Variants in RTF1 observed in about 807,000 individuals in gnomAD.
The protein encoded by RTF1 is RNA polymerase-associated protein RTF1 homolog.
RTF1 carries 10 observed loss-of-function variants against 95.7 expected under a neutral mutation model. The ratio of observed to expected loss-of-function variants is 0.10; its 90% CI spans 0.06 to 0.18. RTF1 has a LOEUF of 0.18. Ranked by LOEUF, RTF1 falls within the 10% of genes least tolerant of loss-of-function variation. RTF1 has a pLI of 1.00. For missense variants in RTF1, 458 were observed against 875.6 expected (o/e 0.52, Z 6.02); for synonymous variants, 305 against 311.8 (o/e 0.98, Z 0.23).
At chr15:41,458,820 C>T (rs1024382812) in intron 4 of RTF1, among the ~76,000 whole-genome samples, 1 of 150,246 alleles carries the variant, frequency 6.7e-6, no homozygotes, top group African/African-American at 2.5e-5. Context: ...ACTGGTAATC[C>T]CTGCACTTTG....
intron 9 of RTF1, 46 bp downstream of exon 9, chr15:41,474,748 C>A: frequency 7.2e-7 from 1 of 1,386,296 alleles, no homozygotes; most frequent in Non-Finnish European, 1.0e-6. Flanking sequence ...TTCAAACAGG[C>A]ACTGGCTTTG....
At chr15:41,448,751 G>A (rs556276842) in intron 2 of RTF1, 1 of 151,868 alleles carries the variant, frequency 6.6e-6, no homozygotes, top group Non-Finnish European at 1.5e-5. Flanking sequence ...AAAAAATAGG[G>A]AATATTTCAC....
chr15:41,468,051 G>C (rs1035302694), intron 6 of RTF1, among the ~76,000 whole-genome samples: 1 of 151,694 alleles, frequency 6.6e-6, no homozygotes, highest in East Asian at 2.0e-4. Context: ...TGTAATCCCA[G>C]CTACTTGTGG....
chr15:41,469,524 G>T (rs747121247), intron 6 of RTF1, among the ~76,000 whole-genome samples: 1 of 146,926 alleles, frequency 6.8e-6, no homozygotes. Context: ...GCCTGGCCAC[G>T]TTCCTTTTTT....
intron 16 of RTF1, among the ~76,000 whole-genome samples, chr15:41,479,987 C>T (rs1436934644): frequency 6.6e-6 from 1 of 152,112 alleles, no homozygotes; most frequent in Non-Finnish European, 1.5e-5. Context: ...CCCACCCTTT[C>T]TACACTCATA....
At position 41,471,338 on chromosome 15, in the gene RTF1, C is replaced by A; in HGVS notation, c.1192C>A (p.Pro398Thr). ...RIGIGNHNSK[P>T]VYRVAEITGV... ...TGGCATCGGAAACCACAACAGCAAA[C>A]CAGTTTACCGGGTTGGTATTTCTTC... Residue 398 changes from proline (P) to threonine (T), a missense_variant, in exon 8 of 18, where the codon CCA becomes ACA. By Grantham distance (38) the Pro-to-Thr change is conservative. Transcript: ENST00000389629. The A allele has an allele frequency of 6.2e-7, 1 of 1,610,310 alleles. No individual in the cohort carries two copies. Among genetic ancestry groups the A allele is most frequent in the Non-Finnish European group, 8.5e-7 (1 of 1,178,628 alleles).
chr15:41,481,129 G>A lies in RTF1; in HGVS notation c.*442G>A, dbSNP rs1043760786. On this transcript the variant is annotated 3_prime_UTR_variant, in exon 18 of 18. Coordinates refer to ENST00000389629, the MANE Select transcript of RTF1 (RefSeq NM_015138.5). ...ACATTCGGCACGTGACCTTGTGGGG[G>A]GAGCGGGGATTGGGCACCTGCGATC... is the stretch of plus-strand genomic sequence containing the variant. 1 of 154,446 alleles carries A rather than the reference G, an allele frequency of 6.5e-6. No individual in the cohort carries two copies. The highest frequency in any genetic ancestry group is 2.4e-5 in the African/African-American group (1 of 41,358). 9.6% of individuals were successfully genotyped at this position (154,446 alleles called of 1,614,324 possible).
chr15:41,439,525 A>G (rs1351499252), intron 2 of RTF1, among the ~76,000 whole-genome samples: 1 of 152,186 alleles, frequency 6.6e-6, no homozygotes, highest in Non-Finnish European at 1.5e-5. Context: ...TGTCTAGACC[A>G]AGGTCACTTT....
chr15:41,421,935 A>G (rs1406733658), intron 1 of RTF1, among the ~76,000 whole-genome samples: 1 of 150,826 alleles, frequency 6.6e-6, no homozygotes, highest in Non-Finnish European at 1.5e-5. Flanking sequence ...CTAGTCTGAA[A>G]CTCCTGGGCT....
intron 4 of RTF1, among the ~76,000 whole-genome samples, chr15:41,462,432 G>A (rs1184254119): frequency 6.6e-6 from 1 of 152,108 alleles, no homozygotes; most frequent in African/African-American, 2.4e-5. Context: ...ACTCGCTGGA[G>A]GGGTGATCGG....
At chr15:41,440,188 C>CTTTTT (rs1276761295) in intron 2 of RTF1, 34 of 113,724 alleles carry the variant, frequency 3.0e-4, no homozygotes, top group East Asian at 5.7e-4. Context: ...TAATTTCTTT[C>CTTTTT]TTTTTTTTTT....
chr15:41,475,455 G>C, intron 9 of RTF1, 70 bp from the exon 10 acceptor site: 1 of 1,207,172 alleles, frequency 8.3e-7, no homozygotes, highest in South Asian at 1.2e-5. Context: ...ACATAGTCTG[G>C]TAAGGTTGCT....
At chr15:41,480,520 A>G in intron 17 of RTF1, 61 bp from the exon 18 acceptor site, 2 of 1,242,974 alleles carry the variant, frequency 1.6e-6, no homozygotes, top group Non-Finnish European at 2.4e-6. Context: ...GCAGGAGTGT[A>G]GCACAGGACT....
intron 8 of RTF1, among the ~76,000 whole-genome samples, chr15:41,474,069 GTC>G (rs1363116899): frequency 6.6e-6 from 1 of 151,974 alleles, no homozygotes; most frequent in African/African-American, 2.4e-5. Flanking sequence ...GAGAGACTGG[GTC>G]TCTCTGTGTT....
At chr15:41,462,664 A>G (rs1049177895) in intron 4 of RTF1, among the ~76,000 whole-genome samples, 12 of 151,984 alleles carry the variant, frequency 7.9e-5, no homozygotes, top group African/African-American at 2.9e-4. Context: ...GCATTTTGTC[A>G]CTCCTGTATT....
At chr15:41,466,760 A>G (rs1263194556) in intron 6 of RTF1, among the ~76,000 whole-genome samples, 1 of 152,236 alleles carries the variant, frequency 6.6e-6, no homozygotes, top group Non-Finnish European at 1.5e-5. Flanking sequence ...TAAGGCATTT[A>G]ATCTGTATGT....
At chr15:41,454,195 T>G (rs1431232861) in intron 3 of RTF1, among the ~76,000 whole-genome samples, 1 of 152,132 alleles carries the variant, frequency 6.6e-6, no homozygotes, top group African/African-American at 2.4e-5. Context: ...GTCCCGGGGT[T>G]CAAGAGATTA....
At chr15:41,430,763 A>G (rs2050665533) in intron 1 of RTF1, among the ~76,000 whole-genome samples, 1 of 152,072 alleles carries the variant, frequency 6.6e-6, no homozygotes, top group Non-Finnish European at 1.5e-5. Flanking sequence ...AAAAGAATAT[A>G]AAGGACTGAG....
Position 41,461,936 on chromosome 15 carries a change from T to G in RTF1, c.663-2835T>G, listed in dbSNP as rs531917009. Among the ~76,000 whole-genome samples the G allele has an allele frequency of 1.4e-3, 211 of 149,746 alleles. 1 individual carries two copies. The highest frequency in any genetic ancestry group is 4.8e-3 in the African/African-American group (196 of 40,584). On this transcript the variant is annotated intron_variant, in intron 4 of 17. Transcript: ENST00000389629. Reference sequence around the variant, plus strand: ...TTTTTTTTTCTTTTTTTTTTTTTTTTAGAGAGGGGGGGTTTGCCATGTTGC... The same window carrying G: ...TTTTTTTTTCTTTTTTTTTTTTTTTGAGAGAGGGGGGGTTTGCCATGTTGC...
Sources: allele counts gnomAD v4.1 joint callset (sites outside exome capture counted in the v4.1 genomes callset), GRCh38; gene constraint gnomAD v4.1.1; transcripts MANE v1.5; gene names NCBI Gene and HGNC (gene_info 2026-07-23, HGNC 2026-07-21).